Variants in RALGPS1 observed in about 807,000 individuals in gnomAD.
RALGPS1 encodes Ral GEF with PH domain and SH3 binding motif 1.
Under a neutral mutation model 78.8 loss-of-function variants are expected in RALGPS1, and 19 were observed. The observed-to-expected ratio is 0.24, with a 90% CI of 0.17 to 0.35. RALGPS1 has a LOEUF of 0.35. Among genes scored for constraint, RALGPS1 ranks in the 10% least tolerant of loss-of-function variants. The pLI is 1.00. For missense variants in RALGPS1, 454 were observed against 688.3 expected (o/e 0.66, Z 3.81); for synonymous variants, 228 against 256.3 (o/e 0.89, Z 1.06).
intron 4 of RALGPS1, among the ~76,000 whole-genome samples, chr9:127,027,029 ACT>A (rs1471313754): frequency 1.3e-5 from 2 of 151,824 alleles, no homozygotes; most frequent in African/African-American, 2.4e-5. Context: ...TTCCTTAATG[ACT>A]CTGAGCCAGG....
In RALGPS1 at chr9:127,219,871, G is replaced by A. The variant is rs756710223; in HGVS notation, c.*1102G>A. 1.3e-5 allele frequency: 2 copies of A among 152,624 alleles called. No homozygotes were observed. Among genetic ancestry groups the A allele is most frequent in the Non-Finnish European group, 2.9e-5 (2 of 68,048 alleles). 9.5% of individuals were successfully genotyped at this position (152,624 alleles called of 1,614,324 possible). A position where few individuals can be genotyped will look rare whatever the true frequency, so the allele number is the denominator to read the frequency against. On this transcript the variant is annotated 3_prime_UTR_variant, in exon 19 of 19. Coordinates refer to ENST00000259351, the MANE Select transcript of RALGPS1 (RefSeq NM_014636.3). The surrounding 1 kb of genome is among the most constrained non-coding windows in gnomAD (Gnocchi z 5.0). ...GACCCTGAGGCCTTAAGCTTCCCCA[G>A]TCTTGGCCCCAAATGCAGTCACCAG...
intron 11 of RALGPS1, among the ~76,000 whole-genome samples, chr9:127,193,982 A>G (rs1056621680): frequency 5.3e-5 from 8 of 152,358 alleles, no homozygotes; most frequent in Admixed American, 2.6e-4. Flanking sequence ...TCCTCCAGAC[A>G]TGGCTGAAGA....
At chr9:127,155,139 G>A (rs1415357897) in intron 8 of RALGPS1, among the ~76,000 whole-genome samples, 1 of 152,142 alleles carries the variant, frequency 6.6e-6, no homozygotes, top group African/African-American at 2.4e-5. Flanking sequence ...CCTGGCAACC[G>A]CAGCCACCCT....
chr9:126,931,332 C>G (rs1174137099), intron 1 of RALGPS1, among the ~76,000 whole-genome samples: 1 of 152,094 alleles, frequency 6.6e-6, no homozygotes, highest in Non-Finnish European at 1.5e-5. Flanking sequence ...AGCCTCATAG[C>G]AACATTATTA....
intron 1 of RALGPS1, among the ~76,000 whole-genome samples, chr9:126,920,549 T>A (rs1296491342): frequency 6.6e-6 from 1 of 152,060 alleles, no homozygotes; most frequent in Non-Finnish European, 1.5e-5. Flanking sequence ...GTTGTGGAGG[T>A]GCAGGCCAAA....
At position 127,211,081 on chromosome 9, in the gene RALGPS1, C is replaced by T. The variant is rs1289612305; in HGVS notation, c.1248-1050C>T. Among the ~76,000 whole-genome samples the T allele has an allele frequency of 6.6e-6, 1 of 152,178 alleles. No individual in the cohort carries two copies. Among genetic ancestry groups the T allele is most frequent in the Non-Finnish European group, 1.5e-5 (1 of 68,030 alleles). On this transcript the variant is annotated intron_variant, in intron 14 of 18. Coordinates refer to ENST00000259351, the MANE Select transcript of RALGPS1 (RefSeq NM_014636.3). The surrounding 1 kb of genome is among the most constrained non-coding windows in gnomAD (Gnocchi z 5.0). ...GAGAATGTTCCCAGCAAAGGGACAGCATGGGCTATGAGGCAGGAAGAGCTG... is the reference window on the plus strand; with the variant it reads ...GAGAATGTTCCCAGCAAAGGGACAGTATGGGCTATGAGGCAGGAAGAGCTG...
intron 8 of RALGPS1, among the ~76,000 whole-genome samples, chr9:127,154,088 A>T (rs2058581737): frequency 6.6e-6 from 1 of 152,178 alleles, no homozygotes; most frequent in Non-Finnish European, 1.5e-5. Context: ...ACACAAGACC[A>T]GACTAACAAG....
chr9:127,174,880 T>A, intron 11 of RALGPS1, 98 bp downstream of exon 11: 2 of 1,089,394 alleles, frequency 1.8e-6, no homozygotes, highest in Non-Finnish European at 2.8e-6. Context: ...CAAATCAAGT[T>A]TGCAGCTTAG....
At chr9:127,202,657 GC>G in intron 14 of RALGPS1, among the ~76,000 whole-genome samples, 1 of 152,248 alleles carries the variant, frequency 6.6e-6, no homozygotes, top group African/African-American at 2.4e-5. Context: ...TCACTTCTGA[GC>G]CCCCAGGCTG....
intron 11 of RALGPS1, among the ~76,000 whole-genome samples, chr9:127,189,672 A>T (rs2060915037): frequency 1.3e-5 from 2 of 152,210 alleles, no homozygotes; most frequent in Admixed American, 1.3e-4. Flanking sequence ...ATTTACAAAG[A>T]TGTGGGCAGA....
At chr9:127,182,276 C>G (rs1217692381) in intron 11 of RALGPS1, among the ~76,000 whole-genome samples, 15 of 151,968 alleles carry the variant, frequency 9.9e-5, no homozygotes, top group African/African-American at 3.6e-4. Flanking sequence ...TTCCTTACAG[C>G]CTGTAGAACC....
intron 8 of RALGPS1, among the ~76,000 whole-genome samples, chr9:127,134,148 C>A (rs1221868403): frequency 6.6e-6 from 1 of 152,104 alleles, no homozygotes; most frequent in African/African-American, 2.4e-5. Context: ...GGATGGCTGC[C>A]CACCCTCCAC....
At chr9:126,981,165 A>C (rs1588807352) in intron 4 of RALGPS1, among the ~76,000 whole-genome samples, 1 of 152,122 alleles carries the variant, frequency 6.6e-6, no homozygotes, top group Non-Finnish European at 1.5e-5. Context: ...TTGTCCTTGG[A>C]GATCTGAAAG....
intron 6 of RALGPS1, 122 bp from the exon 7 acceptor site, chr9:127,052,725 T>C (rs890381923): frequency 1.5e-5 from 10 of 667,906 alleles, no homozygotes; most frequent in Non-Finnish European, 2.3e-5. Flanking sequence ...AACTATGTTT[T>C]CCACATGAGA....
intron 8 of RALGPS1, chr9:127,093,835 C>T (rs2052778846): frequency 6.2e-7 from 1 of 1,614,150 alleles, no homozygotes; most frequent in Non-Finnish European, 8.5e-7. Context: ...ACCACACCTG[C>T]ATGAGGCGGT....
intron 8 of RALGPS1, among the ~76,000 whole-genome samples, chr9:127,140,686 A>G (rs2057711306): frequency 6.6e-6 from 1 of 152,216 alleles, no homozygotes; most frequent in Non-Finnish European, 1.5e-5. Flanking sequence ...ACCTTTCTAT[A>G]TTCTCTAGAA....
At position 127,221,734 on chromosome 9, in the gene RALGPS1, G is replaced by A. The variant is rs1436856093; in HGVS notation, c.*2965G>A. Reference sequence around the variant, plus strand: ...CTCTCTTTTGCCAGTTGAATTTATAGAGCATTTTTTTTCTTACCAAGATGG... The same window carrying A: ...CTCTCTTTTGCCAGTTGAATTTATAAAGCATTTTTTTTCTTACCAAGATGG... On this transcript the variant is annotated 3_prime_UTR_variant, in exon 19 of 19. Transcript: ENST00000259351. 4 of 152,172 alleles carry A rather than the reference G, an allele frequency of 2.6e-5. 1 individual carries two copies. Among genetic ancestry groups the A allele is most frequent in the East Asian group, 3.8e-4 (2 of 5,202 alleles). The allele number at this position is 152,172 out of a possible 1,614,324, so 9.4% of individuals were successfully genotyped here.
At chr9:127,033,574 G>A (rs944681969) in intron 4 of RALGPS1, among the ~76,000 whole-genome samples, 5 of 152,226 alleles carry the variant, frequency 3.3e-5, no homozygotes, top group African/African-American at 7.2e-5. Context: ...AGGCAGTCTT[G>A]TAACTTATAG....
chr9:127,159,444 C>T (rs2058891480), intron 8 of RALGPS1, among the ~76,000 whole-genome samples: 1 of 152,190 alleles, frequency 6.6e-6, no homozygotes, highest in Non-Finnish European at 1.5e-5. Flanking sequence ...TACACAAGGC[C>T]ATGTGCTCAT....
Sources: gnomAD v4.1 joint callset for allele counts (sites outside exome capture counted in the v4.1 genomes callset) on GRCh38, gnomAD v4.1.1 for gene constraint, Gnocchi (gnomAD v3.1) non-coding constraint, MANE v1.5 for transcripts, NCBI Gene and HGNC (gene_info 2026-07-23, HGNC 2026-07-21) for gene names.